CCAR2: variants seen among roughly 807,000 people sequenced by gnomAD.
CCAR2 encodes the protein cell cycle and apoptosis regulator 2.
CCAR2 carries 21 observed loss-of-function variants against 108.1 expected under a neutral mutation model. The ratio of observed to expected loss-of-function variants is 0.19; its 90% confidence interval spans 0.14 to 0.28. The LOEUF is 0.28. CCAR2 is among the 10% of genes least tolerant of loss of function. The pLI, the probability that CCAR2 is intolerant of heterozygous loss-of-function variation, is 1.00. For missense variants in CCAR2, 1,126 were observed against 1,177.0 expected (o/e 0.96, Z 0.63); for synonymous variants, 577 against 472.8 (o/e 1.22, Z -2.86).
Position 22,618,742 on chromosome 8 carries a change from C to T in CCAR2, c.2332+14C>T. 1.2e-6 allele frequency: 2 copies of T among 1,613,732 alleles called. No homozygotes were observed. The highest frequency in any genetic ancestry group is 1.7e-6 in the Non-Finnish European group (2 of 1,179,858). On this transcript the variant is annotated intron_variant, in intron 18 of 20. Coordinates refer to ENST00000308511, the MANE Select transcript of CCAR2 (RefSeq NM_001393997.1). ...AGGTGCTCTTCGGTATGTTCTGGGG[C>T]CCTGCAGCCTTCCTGGGGCACGGGC... is the stretch of plus-strand genomic sequence containing the variant.
In CCAR2 at chr8:22,616,184, T is replaced by C. The variant is rs898292687; in HGVS notation, c.1781T>C (p.Val594Ala). ...GAGGAAGAAGCCATCAAAGAGGAGGTGGTCAAGGAGCCCAAGGATGAGGCA... is the reference window on the plus strand; with the variant it reads ...GAGGAAGAAGCCATCAAAGAGGAGGCGGTCAAGGAGCCCAAGGATGAGGCA... ...TKEEEAIKEE[V>A]VKEPKDEAQN... The change falls in exon 14 of 21, where the codon GTG becomes GCG. Residue 594 changes from valine (V) to alanine (A), a missense_variant. By Grantham distance (64) the Val-to-Ala change is moderately conservative. Coordinates refer to ENST00000308511, the MANE Select transcript of CCAR2 (RefSeq NM_001393997.1). 2.5e-6 allele frequency: 4 copies of C among 1,613,178 alleles called. No individual in the cohort carries two copies.
At chr8:22,608,295 T>G (rs1483597839) in intron 7 of CCAR2, among the ~76,000 whole-genome samples, 1 of 152,152 alleles carries the variant, frequency 6.6e-6, no homozygotes, top group African/African-American at 2.4e-5. Context: ...ATACAGTGGT[T>G]AAGCAAGCAG....
intron 7 of CCAR2, among the ~76,000 whole-genome samples, chr8:22,609,797 C>G (rs1474543742): frequency 2.0e-5 from 3 of 152,168 alleles, no homozygotes; most frequent in South Asian, 2.1e-4. Flanking sequence ...CTATCAGTTG[C>G]ATTTGATTGT....
rs751121974 is a variant in CCAR2 at position 22,605,743 on chromosome 8, C to T, written c.-31C>T. On this transcript the variant is annotated 5_prime_UTR_variant, in exon 2 of 21. Coordinates refer to ENST00000308511, the MANE Select transcript of CCAR2 (RefSeq NM_001393997.1). Reference sequence around the variant, plus strand: ...TTTCTTTTTGGATTGAAGCCTTTTCCCCACGACTCTGAAAGAGGACAGCGT... The same window carrying T: ...TTTCTTTTTGGATTGAAGCCTTTTCTCCACGACTCTGAAAGAGGACAGCGT... 1.3e-5 allele frequency: 21 copies of T among 1,603,688 alleles called. No homozygotes were observed. In the Middle Eastern group the frequency reaches 4.9e-4, roughly 38 times the overall value.
intron 7 of CCAR2, among the ~76,000 whole-genome samples, chr8:22,608,828 C>G (rs190011153): frequency 6.6e-6 from 1 of 152,286 alleles, no homozygotes; most frequent in East Asian, 1.9e-4. Context: ...TCACTATATG[C>G]AAGGTAAACA....
In CCAR2 at chr8:22,614,245, A is replaced by G. The variant is rs1171174899; in HGVS notation, c.858A>G (p.Glu286=). The part of the protein sequence containing the change: ...HHPSRIQVSS[E]KEAAPDAGAE... Reference sequence around the variant, plus strand: ...CAAGCCGGATCCAGGTCTCTTCTGAAAAGGAGGCAGCTCCAGACGCTGGTG... The same window carrying G: ...CAAGCCGGATCCAGGTCTCTTCTGAGAAGGAGGCAGCTCCAGACGCTGGTG... Residue 286 remains glutamate, a synonymous_variant, in exon 9 of 21, where the codon GAA becomes GAG. Coordinates refer to ENST00000308511, the MANE Select transcript of CCAR2 (RefSeq NM_001393997.1). 1 of 1,614,054 alleles carries G rather than the reference A, an allele frequency of 6.2e-7. No homozygotes were observed. Among genetic ancestry groups the G allele is most frequent in the Non-Finnish European group, 8.5e-7 (1 of 1,180,034 alleles).
chr8:22,611,360 CAAAAAAA>C (rs533441943), intron 7 of CCAR2, among the ~76,000 whole-genome samples: 1 of 99,758 alleles, frequency 1.0e-5, no homozygotes, highest in African/African-American at 3.8e-5. Context: ...GACTCTGTCT[CAAAAAAA>C]AAAAAAAAAA....
At chr8:22,617,168 A>G (rs912687502) in intron 14 of CCAR2, among the ~76,000 whole-genome samples, 1 of 151,912 alleles carries the variant, frequency 6.6e-6, no homozygotes, top group Non-Finnish European at 1.5e-5. Flanking sequence ...TTTAAATACT[A>G]TCAATCAAAT....
At chr8:22,617,149 T>C (rs1402026447) in intron 14 of CCAR2, among the ~76,000 whole-genome samples, 1 of 151,968 alleles carries the variant, frequency 6.6e-6, no homozygotes, top group Non-Finnish European at 1.5e-5. Context: ...CATGGCCAGC[T>C]GCTGCTTGTT....
At chr8:22,610,768 G>C (rs1801242133) in intron 7 of CCAR2, among the ~76,000 whole-genome samples, 2 of 152,214 alleles carry the variant, frequency 1.3e-5, no homozygotes, top group South Asian at 4.1e-4. Flanking sequence ...AGGTCTAAAA[G>C]GCAGAACAAG....
At chr8:22,614,047 T>C in intron 8 of CCAR2, 45 bp from the exon 9 acceptor site, 4 of 1,538,924 alleles carry the variant, frequency 2.6e-6, no homozygotes, top group African/African-American at 2.7e-5. Flanking sequence ...ATTTCGAATG[T>C]TTTAGTCTTT....
intron 13 of CCAR2, 41 bp from the exon 14 acceptor site, chr8:22,615,971 T>G: frequency 1.2e-6 from 2 of 1,612,926 alleles, no homozygotes; most frequent in Middle Eastern, 1.7e-4. Context: ...TGAAGCAGTC[T>G]TTCTTCCTGA....
intron 19 of CCAR2, 51 bp from the exon 20 acceptor site, chr8:22,619,099 G>C: frequency 6.2e-7 from 1 of 1,601,460 alleles, no homozygotes; most frequent in Non-Finnish European, 8.5e-7. Context: ...CCTGCCCTGT[G>C]CTCTGGGCCT....
rs7845453 is a variant in CCAR2, at chr8:22,619,233, G to A, written c.2605G>A (p.Ala869Thr). The change falls in exon 20 of 21, where the codon GCG becomes ACG. Residue 869 changes from alanine to threonine, a missense_variant. Ala to Thr is a moderately conservative substitution (Grantham distance 58, BLOSUM62 0). Around this residue, in one of 4 missense-constraint regions of CCAR2, gnomAD observed 1,013 missense variants for 993.9 expected, o/e 1.02. Coordinates refer to ENST00000308511, the MANE Select transcript of CCAR2 (RefSeq NM_001393997.1). ...AEMQELRVRL[A>T]EAEETARTAE... ...GATGCAGGAGCTGCGAGTCCGGCTGGCGGAGGCCGAGGAGACCGCCCGGAC... is the reference window on the plus strand; with the variant it reads ...GATGCAGGAGCTGCGAGTCCGGCTGACGGAGGCCGAGGAGACCGCCCGGAC... 2.9e-4 allele frequency: 450 copies of A among 1,572,910 alleles called. 1 individual carries two copies. In the African/African-American group the frequency reaches 5.3e-3, roughly 19 times the overall value.
intron 7 of CCAR2, among the ~76,000 whole-genome samples, chr8:22,611,061 A>G: frequency 6.6e-6 from 1 of 150,408 alleles, no homozygotes; most frequent in South Asian, 2.1e-4. Flanking sequence ...CATAAAATTA[A>G]AATAATATAA....
intron 8 of CCAR2, 101 bp downstream of exon 8, chr8:22,613,237 C>T (rs1259261229): frequency 2.4e-6 from 3 of 1,259,386 alleles, no homozygotes; most frequent in Non-Finnish European, 2.1e-6. Flanking sequence ...GTTCTTACAG[C>T]CTTTTCTTAC....
At chr8:22,605,868 A>T in intron 2 of CCAR2, 37 bp downstream of exon 2, 1 of 1,597,872 alleles carries the variant, frequency 6.3e-7, no homozygotes, top group South Asian at 1.1e-5. Context: ...TCATCCTGGG[A>T]AGTATGTGCT....
chr8:22,606,743 A>G (rs1470398924), intron 4 of CCAR2, 45 bp downstream of exon 4: 2 of 1,535,138 alleles, frequency 1.3e-6, no homozygotes, highest in Non-Finnish European at 1.8e-6. Flanking sequence ...TATTGGATTC[A>G]GTTCTGTCAC....
intron 14 of CCAR2, 25 bp downstream of exon 14, chr8:22,616,273 G>A (rs1273258297): frequency 6.2e-7 from 1 of 1,604,044 alleles, no homozygotes; most frequent in Non-Finnish European, 8.5e-7. Flanking sequence ...ACCTCGGGCT[G>A]TCATAGTGCT....
Sources: gnomAD v4.1 joint callset for allele counts (sites outside exome capture counted in the v4.1 genomes callset) on GRCh38, gnomAD v4.1.1 for gene constraint, gnomAD v4.1.1 regional missense constraint, MANE v1.5 for transcripts, NCBI Gene and HGNC (gene_info 2026-07-23, HGNC 2026-07-21) for gene names.